Variants in ADAM19 observed in about 807,000 individuals in gnomAD.
ADAM19 encodes ADAM metallopeptidase domain 19.
A neutral mutation model predicts 114.7 loss-of-function variants in ADAM19; 65 were observed. The ratio of observed to expected loss-of-function variants is 0.57; its 90% confidence interval spans 0.46 to 0.70. The LOEUF is 0.70. Among genes scored for constraint, ADAM19 ranks in the 30% least tolerant of loss-of-function variants. The pLI is 0.00. For missense variants in ADAM19, 1,063 were observed against 1,204.7 expected (o/e 0.88, Z 1.74); for synonymous variants, 466 against 460.5 (o/e 1.01, Z -0.15).
chr5:157,481,837 C>G lies in ADAM19; in HGVS notation c.2657G>C (p.Gly886Ala). 1 of 1,583,094 alleles carries G rather than the reference C, an allele frequency of 6.3e-7. No individual in the cohort carries two copies. Among genetic ancestry groups the G allele is most frequent in the Non-Finnish European group, 8.6e-7 (1 of 1,163,916 alleles). The part of the protein sequence containing the change: ...PGGASPLRPP[G>A]AGPQQSRPLA... Reference sequence around the variant, plus strand: ...AGGCCGGGACTGCTGAGGGCCAGCACCAGGGGGCCGCAGTGGGGATGCACC... The same window carrying G: ...AGGCCGGGACTGCTGAGGGCCAGCAGCAGGGGGCCGCAGTGGGGATGCACC... Residue 886 changes from glycine (G) to alanine (A), a missense_variant, in exon 22 of 23, where the codon GGT becomes GCT. Coordinates refer to ENST00000257527, the MANE Select transcript of ADAM19 (RefSeq NM_033274.5).
chr5:157,575,455 C>G, intron 1 of ADAM19, 148 bp downstream of exon 1: 1 of 539,612 alleles, frequency 1.9e-6, no homozygotes, highest in Non-Finnish European at 3.0e-6. Context: ...GAACAAAGCC[C>G]GGGCTCCCAG....
At chr5:157,550,169 C>T (rs1757151120) in intron 3 of ADAM19, among the ~76,000 whole-genome samples, 1 of 152,176 alleles carries the variant, frequency 6.6e-6, no homozygotes, top group South Asian at 2.1e-4. Flanking sequence ...GCTTAAAAAT[C>T]GGAAGTTTAT....
chr5:157,531,025 T>C, intron 4 of ADAM19, 142 bp from the exon 5 acceptor site: 1 of 655,510 alleles, frequency 1.5e-6, no homozygotes, highest in Non-Finnish European at 2.8e-6. Flanking sequence ...CAAAGAGCTT[T>C]CCAAGCCACC....
intron 5 of ADAM19, among the ~76,000 whole-genome samples, chr5:157,521,906 A>G (rs553716547): frequency 6.6e-6 from 1 of 152,314 alleles, no homozygotes; most frequent in Non-Finnish European, 1.5e-5. Context: ...CAACCAGCTG[A>G]TGGTTCTGTG....
intron 3 of ADAM19, among the ~76,000 whole-genome samples, chr5:157,562,059 T>C (rs972439387): frequency 4.6e-5 from 7 of 152,026 alleles, no homozygotes; most frequent in Non-Finnish European, 7.4e-5. Context: ...TTTGAAAAAT[T>C]AGAAAATCAT....
In ADAM19 at chr5:157,481,893, C is replaced by T; in HGVS notation, c.2601G>A (p.Val867=). 6.2e-7 allele frequency: 1 copy of T among 1,603,914 alleles called. No individual in the cohort carries two copies. Among genetic ancestry groups the T allele is most frequent in the Admixed American group, 1.7e-5 (1 of 58,828 alleles). Residue 867 remains valine (V), a synonymous_variant, in exon 22 of 23, where the codon GTG becomes GTA. Coordinates refer to ENST00000257527, the MANE Select transcript of ADAM19 (RefSeq NM_033274.5). The stretch of plus-strand genomic sequence containing the variant: ...GCCTGGGGAGGCTCCTGCGGCCTGG[C>T]ACTGGGTTTGCCGGGAGTGCCTTCT... ...PPQKALPANP[V]PGRRSLPRPG...
At chr5:157,548,416 A>G (rs1448241267) in intron 3 of ADAM19, among the ~76,000 whole-genome samples, 1 of 152,168 alleles carries the variant, frequency 6.6e-6, no homozygotes, top group Admixed American at 6.6e-5. Flanking sequence ...ATATTTGTTT[A>G]ATGAAGGAAG....
Position 157,479,454 on chromosome 5 carries a change from G to A in ADAM19, c.*1495C>T, listed in dbSNP as rs73814806. 6.1e-4 allele frequency: 606 copies of A among 985,948 alleles called. 5 individuals are homozygous for A. In the African/African-American group the frequency reaches 9.7e-3, roughly 16 times the overall value. The allele number at this position is 985,948 out of a possible 1,614,324, so 61.1% of individuals were successfully genotyped here. A position where few individuals can be genotyped will look rare whatever the true frequency, so the allele number is the denominator to read the frequency against. ...GTGAGAGTCAGGCCAGCTCCTGTCC[G>A]GAGAGCCACCCAGCACCTTTGTGGA... On this transcript the variant is annotated 3_prime_UTR_variant, in exon 23 of 23. Transcript: ENST00000257527.
intron 16 of ADAM19, among the ~76,000 whole-genome samples, chr5:157,492,728 C>T (rs1356480307): frequency 6.6e-6 from 1 of 152,110 alleles, no homozygotes; most frequent in Non-Finnish European, 1.5e-5. Context: ...TGATAATTAG[C>T]GATGAGGATG....
intron 8 of ADAM19, 25 bp from the exon 9 acceptor site, chr5:157,509,492 G>A (rs1198667688): frequency 3.2e-6 from 5 of 1,539,936 alleles, no homozygotes; most frequent in Non-Finnish European, 3.5e-6. Context: ...AAAAACCACA[G>A]TATCTGTCAA....
At chr5:157,489,667 A>C (rs1357431656) in intron 19 of ADAM19, among the ~76,000 whole-genome samples, 2 of 152,226 alleles carry the variant, frequency 1.3e-5, no homozygotes, top group Non-Finnish European at 2.9e-5. Context: ...AGATGAAACA[A>C]ACTTTAAAGC....
intron 5 of ADAM19, among the ~76,000 whole-genome samples, chr5:157,520,880 C>T (rs55721101): frequency 0.11 from 16,504 of 152,236 alleles, 945 homozygotes; most frequent in South Asian, 0.16. Flanking sequence ...ATAATCTAGA[C>T]ATAATCCTTG....
chr5:157,481,804 G>T lies in ADAM19; in HGVS notation c.2690C>A (p.Ala897Glu). ...AGPQQSRPLA[A>E]LAPKFPEYRS... ...CCGTGGACTCACCTTTGGGGCAAGT[G>T]CTGCCAGAGGCCGGGACTGCTGAGG... The change falls in exon 22 of 23, where the codon GCA (alanine) becomes GAA (glutamate). Residue 897 changes from alanine to glutamate, a missense_variant. Transcript: ENST00000257527. The T allele has an allele frequency of 6.4e-7, 1 of 1,574,446 alleles. No individual in the cohort carries two copies. Among genetic ancestry groups the T allele is most frequent in the South Asian group, 1.2e-5 (1 of 86,032 alleles).
chr5:157,530,835 C>T lies in ADAM19; in HGVS notation c.379G>A (p.Val127Ile), dbSNP rs200776477. The change falls in exon 5 of 23, where the codon GTC becomes ATC. Residue 127 changes from valine to isoleucine, a missense_variant. Val to Ile is a conservative substitution (Grantham distance 29). Transcript: ENST00000257527. ...GTVRETELSS[V>I]TLSTCRGIRG... ...ATTCCTCGGCAAGTGCTGAGCGTGA[C>T]GCTGGACAGTTCTGTCTCCCTCACC... is the stretch of plus-strand genomic sequence containing the variant. 22 of 1,614,090 alleles carry T rather than the reference C, an allele frequency of 1.4e-5. No homozygotes were observed. Among genetic ancestry groups the T allele is most frequent in the African/African-American group, 4.0e-5 (3 of 74,910 alleles).
chr5:157,500,477 T>C (rs772435570), intron 12 of ADAM19, among the ~76,000 whole-genome samples: 38 of 152,130 alleles, frequency 2.5e-4, no homozygotes, highest in Admixed American at 2.4e-3. Flanking sequence ...TTTAGCAGAG[T>C]ATATGGAAAT....
intron 21 of ADAM19, among the ~76,000 whole-genome samples, chr5:157,485,139 T>G (rs1754893931): frequency 6.6e-6 from 1 of 152,356 alleles, no homozygotes; most frequent in Non-Finnish European, 1.5e-5. Context: ...CAACTCGTTA[T>G]CTATTTTCTC....
rs1324696716 is a variant in ADAM19, at chr5:157,507,058, T to C, written c.988A>G (p.Met330Val). 4 of 1,614,022 alleles carry C rather than the reference T, an allele frequency of 2.5e-6. No homozygotes were observed. The highest frequency in any genetic ancestry group is 3.4e-6 in the Non-Finnish European group (4 of 1,179,936). Residue 330 changes from methionine to valine, a missense_variant and splice_region_variant, in exon 10 of 23, where the codon ATG becomes GTG. Coordinates refer to ENST00000257527, the MANE Select transcript of ADAM19 (RefSeq NM_033274.5). ...CSVYQSGGVN[M>V]DHSENAIGVA... is the part of the protein sequence containing the mutation. ...CACACACACGGGCTGAGACTCACCATGTTGACTCCTCCAGACTGGTACACA... is the reference window on the plus strand; with the variant it reads ...CACACACACGGGCTGAGACTCACCACGTTGACTCCTCCAGACTGGTACACA...
chr5:157,502,846 C>A lies in ADAM19; in HGVS notation c.1265G>T (p.Gly422Val). 1 of 1,614,198 alleles carries A rather than the reference C, an allele frequency of 6.2e-7. No individual in the cohort carries two copies. The highest frequency in any genetic ancestry group is 1.7e-5 in the Admixed American group (1 of 60,032). ...MLYGGRRCGN[G>V]YLEDGEECDC... The stretch of plus-strand genomic sequence containing the variant: ...ACACTCTTCCCCATCTTCCAGATAC[C>A]CGTTCCCACACCTCCGGCCTCCATA... Residue 422 changes from glycine to valine, a missense_variant, in exon 12 of 23, where the codon GGG (glycine) becomes GTG (valine). By Grantham distance (109) the Gly-to-Val change is moderately radical (BLOSUM62 -3). Transcript: ENST00000257527.
rs532520582 is a variant in ADAM19, at chr5:157,480,569, C to A, written c.*380G>T. On this transcript the variant is annotated 3_prime_UTR_variant, in exon 23 of 23. Coordinates refer to ENST00000257527, the MANE Select transcript of ADAM19 (RefSeq NM_033274.5). ...AAGCTCTCTTGCGTGCCCTGCACCC[C>A]AGGAGTGAATGGATGGCTTCTGCAA... 1 of 1,073,844 alleles carries A rather than the reference C, an allele frequency of 9.3e-7. No individual in the cohort carries two copies. The highest frequency in any genetic ancestry group is 1.1e-6 in the Non-Finnish European group (1 of 884,332). 66.5% of individuals were successfully genotyped at this position (1,073,844 alleles called of 1,614,324 possible).
Sources: gnomAD v4.1 joint callset for allele counts (sites outside exome capture counted in the v4.1 genomes callset) on GRCh38, gnomAD v4.1.1 for gene constraint, MANE v1.5 for transcripts, NCBI Gene and HGNC (gene_info 2026-07-23, HGNC 2026-07-21) for gene names.